Variants in FMN2 observed in about 807,000 individuals in gnomAD.
The protein encoded by FMN2 is formin 2.
In FMN2, 51 loss-of-function variants were observed where a neutral mutation model predicts 142.3. The ratio of observed to expected loss-of-function variants is 0.36; its 90% CI spans 0.29 to 0.45. The LOEUF (loss-of-function observed/expected upper bound fraction) is 0.45. Among genes scored for constraint, FMN2 ranks in the 20% least tolerant of loss-of-function variants. The pLI is 1.00. For synonymous variants in FMN2, 882 were observed against 869.8 expected, an observed-to-expected ratio of 1.01 and a Z score of -0.25; for missense variants, 1,936 against 2,122.8, an observed-to-expected ratio of 0.91 and a Z score of 1.73.
chr1:240,358,064 A>T (rs1218540135), intron 14 of FMN2, among the ~76,000 whole-genome samples: 1 of 152,252 alleles, frequency 6.6e-6, no homozygotes, highest in Non-Finnish European at 1.5e-5. Flanking sequence ...TAAGTTAAAC[A>T]TGATGAGTCT....
intron 2 of FMN2, among the ~76,000 whole-genome samples, chr1:240,148,977 A>AAAAT (rs1553332906): frequency 1.9e-4 from 28 of 150,130 alleles, no homozygotes; most frequent in South Asian, 4.2e-4. Flanking sequence ...GTCTCAAAAA[A>AAAAT]AAATAAATAA....
At chr1:240,272,572 G>A (rs1669054456) in intron 7 of FMN2, among the ~76,000 whole-genome samples, 1 of 152,152 alleles carries the variant, frequency 6.6e-6, no homozygotes, top group Admixed American at 6.6e-5. Context: ...CCTTTATCCA[G>A]TTGGATGAAG....
rs1676915918 is a variant in FMN2 at position 240,474,648 on chromosome 1, T to G, written c.*494T>G. 6.5e-6 allele frequency: 1 copy of G among 152,742 alleles called. No individual in the cohort carries two copies. The highest frequency in any genetic ancestry group is 1.9e-4 in the East Asian group (1 of 5,194). 9.5% of individuals were successfully genotyped at this position (152,742 alleles called of 1,614,324 possible). ...TCTATTTTAAAATTTAAGAACCGTT[T>G]ATAATCAGTGCTTTCCCAACTCTTG... is the stretch of plus-strand genomic sequence containing the variant. On this transcript the variant is annotated 3_prime_UTR_variant, in exon 18 of 18. Coordinates refer to ENST00000319653, the MANE Select transcript of FMN2 (RefSeq NM_020066.5).
chr1:240,175,533 T>A (rs1381886783), intron 2 of FMN2, among the ~76,000 whole-genome samples: 1 of 152,134 alleles, frequency 6.6e-6, no homozygotes, highest in East Asian at 1.9e-4. Context: ...CCTTGCTCTT[T>A]TGCTGAGCTG....
intron 8 of FMN2, among the ~76,000 whole-genome samples, chr1:240,323,233 C>G (rs1278579481): frequency 6.6e-6 from 1 of 151,582 alleles, no homozygotes; most frequent in Non-Finnish European, 1.5e-5. Context: ...CTCACTCTCT[C>G]ACCCAGGCTG....
intron 2 of FMN2, among the ~76,000 whole-genome samples, chr1:240,148,487 AGAGAGAAAGAGAG>A (rs1478556704): frequency 8.5e-6 from 1 of 118,102 alleles, no homozygotes; most frequent in African/African-American, 2.6e-5. Flanking sequence ...AGAAAAAGAG[AGAGAGAAAGAGAG>A]GAGAGAGAGA....
chr1:240,130,464 G>A (rs992001806), intron 2 of FMN2, among the ~76,000 whole-genome samples: 6 of 151,932 alleles, frequency 3.9e-5, no homozygotes, highest in African/African-American at 7.3e-5. Context: ...TACCACGCCC[G>A]GCTAATTTTT....
chr1:240,159,972 TATACACACACAC>T (rs1190770784), intron 2 of FMN2, among the ~76,000 whole-genome samples: 1 of 126,476 alleles, frequency 7.9e-6, no homozygotes, highest in Non-Finnish European at 1.6e-5. Context: ...TATATATATA[TATACACACACAC>T]ACACACACAC....
chr1:240,211,403 A>G (rs1666688401), intron 6 of FMN2, among the ~76,000 whole-genome samples, 168 bp downstream of exon 6: 1 of 152,250 alleles, frequency 6.6e-6, no homozygotes, highest in African/African-American at 2.4e-5. Context: ...GACTAGCCCA[A>G]ATAGAACAAC....
chr1:240,294,716 C>T (rs970566898), intron 7 of FMN2, 106 bp from the exon 8 acceptor site: 3 of 958,116 alleles, frequency 3.1e-6, no homozygotes, highest in Admixed American at 1.8e-5. Context: ...GAAGTTAAAG[C>T]CCCTGCTCCC....
intron 14 of FMN2, among the ~76,000 whole-genome samples, chr1:240,368,974 A>T (rs537150175): frequency 8.3e-6 from 1 of 120,578 alleles, no homozygotes; most frequent in Non-Finnish European, 1.7e-5. Flanking sequence ...TATATATATA[A>T]ACACAGAGTA....
At chr1:240,318,427 A>G (rs557501182) in intron 8 of FMN2, among the ~76,000 whole-genome samples, 30 of 149,172 alleles carry the variant, frequency 2.0e-4, no homozygotes, top group African/African-American at 6.2e-4. Context: ...TTTTTTTTCC[A>G]TGTATCTGCT....
intron 8 of FMN2, among the ~76,000 whole-genome samples, chr1:240,302,931 TATAA>T (rs1670252612): frequency 1.3e-5 from 2 of 151,998 alleles, no homozygotes; most frequent in African/African-American, 4.8e-5. Flanking sequence ...CCTATATGGA[TATAA>T]ATATAGTGAA....
At chr1:240,185,517 A>G (rs909795709) in intron 3 of FMN2, among the ~76,000 whole-genome samples, 2 of 152,206 alleles carry the variant, frequency 1.3e-5, no homozygotes, top group African/African-American at 4.8e-5. Flanking sequence ...GACAGAGAGG[A>G]GCTGAAAGTT....
In FMN2 at chr1:240,474,124, T is replaced by A; in HGVS notation, c.5143-4T>A. ...AAACTTTTATCTGGTGTATTTGTTT[T>A]CAGAAAGCAAAGATAAGCATGAAAA... On this transcript the variant is annotated splice_region_variant and splice_polypyrimidine_tract_variant and intron_variant, in intron 17 of 17. Transcript: ENST00000319653. The A allele has an allele frequency of 6.4e-7, 1 of 1,562,032 alleles. No homozygotes were observed. Among genetic ancestry groups the A allele is most frequent in the Non-Finnish European group, 8.6e-7 (1 of 1,162,786 alleles).
intron 3 of FMN2, among the ~76,000 whole-genome samples, chr1:240,184,413 T>A (rs1264988806): frequency 6.6e-6 from 1 of 151,674 alleles, no homozygotes; most frequent in Admixed American, 6.6e-5. Context: ...TTTTTGTATT[T>A]TTAGTAGAGA....
At chr1:240,182,800 A>G (rs1320344514) in intron 3 of FMN2, among the ~76,000 whole-genome samples, 3 of 152,196 alleles carry the variant, frequency 2.0e-5, no homozygotes, top group African/African-American at 7.2e-5. Flanking sequence ...TGTCCATGAG[A>G]TTGAAAACAC....
rs760627507 is a variant in FMN2 at position 240,334,166 on chromosome 1, G to A, written c.4702G>A (p.Ala1568Thr). The A allele has an allele frequency of 6.2e-7, 1 of 1,608,906 alleles. No individual in the cohort carries two copies. The highest frequency in any genetic ancestry group is 1.1e-5 in the South Asian group (1 of 89,686). ...GCCAGAACCCCAGGACCTTTTTCAG[G>A]CCTCACAGATGAAGTTTGAAGATTT... ...PLPEPQDLFQ[A>T]SQMKFEDFQK... Residue 1568 changes from alanine (A) to threonine (T), a missense_variant, in exon 13 of 18, where the codon GCC becomes ACC. This residue lies in a region of FMN2 where 322 missense variants were observed against 401.6 expected (regional missense o/e 0.80). Coordinates refer to ENST00000319653, the MANE Select transcript of FMN2 (RefSeq NM_020066.5).
chr1:240,212,011 AC>A (rs1278812767), intron 6 of FMN2, among the ~76,000 whole-genome samples: 1 of 152,092 alleles, frequency 6.6e-6, no homozygotes, highest in Non-Finnish European at 1.5e-5. Context: ...ACATTTCTTA[AC>A]TTTTGCAGGG....
Sources: allele counts gnomAD v4.1 joint callset (sites outside exome capture counted in the v4.1 genomes callset), GRCh38; gene constraint gnomAD v4.1.1; regional missense constraint gnomAD v4.1.1; transcripts MANE v1.5; gene names NCBI Gene and HGNC (gene_info 2026-07-23, HGNC 2026-07-21).